Variants in RAP1GAP2 observed in about 807,000 individuals in gnomAD.
The protein encoded by RAP1GAP2 is RAP1 GTPase activating protein 2.
RAP1GAP2 carries 27 observed loss-of-function variants against 95.0 expected under a neutral mutation model. That is an observed-to-expected ratio of 0.28 (90% CI 0.21 to 0.39). RAP1GAP2 has a LOEUF of 0.39. RAP1GAP2 is among the 10% of genes least tolerant of loss of function. The probability of loss-of-function intolerance (pLI) is 1.00; values close to 1 mark genes in which losing one functional copy is unlikely to be tolerated. For missense variants in RAP1GAP2, 771 were observed against 970.0 expected (o/e 0.79, Z 2.72); for synonymous variants, 373 against 380.9 (o/e 0.98, Z 0.24).
At chr17:2,860,066 C>T (rs2072313745) in intron 2 of RAP1GAP2, among the ~76,000 whole-genome samples, 2 of 152,142 alleles carry the variant, frequency 1.3e-5, no homozygotes, top group South Asian at 4.1e-4. Context: ...CCTGCCATTG[C>T]AGGCAGCCCC....
chr17:2,768,419 T>C (rs958339754), intron 1 of RAP1GAP2, among the ~76,000 whole-genome samples: 1 of 152,090 alleles, frequency 6.6e-6, no homozygotes, highest in African/African-American at 2.4e-5. Context: ...AGGCTGGGCG[T>C]GGTGGCTCAC....
chr17:2,805,880 T>C (rs1458459202), intron 2 of RAP1GAP2, among the ~76,000 whole-genome samples: 1 of 152,126 alleles, frequency 6.6e-6, no homozygotes, highest in Non-Finnish European at 1.5e-5. Context: ...GGGTAGCCTG[T>C]CTCCACTGCT....
chr17:2,967,401 GACA>G (rs975672002), intron 8 of RAP1GAP2, among the ~76,000 whole-genome samples: 5 of 152,050 alleles, frequency 3.3e-5, no homozygotes, highest in Non-Finnish European at 5.9e-5. Context: ...CAACAACGAC[GACA>G]ACAACAAAAA....
chr17:3,001,661 G>A (rs2046165593), intron 14 of RAP1GAP2, among the ~76,000 whole-genome samples: 1 of 152,222 alleles, frequency 6.6e-6, no homozygotes, highest in Admixed American at 6.5e-5. Context: ...TCAGCCACTG[G>A]GCAGCTGAAC....
At position 2,906,535 on chromosome 17, in the gene RAP1GAP2, C is replaced by T. The variant is rs879372357; in HGVS notation, c.165+1167C>T. Among the ~76,000 whole-genome samples the T allele has an allele frequency of 1.3e-5, 2 of 152,052 alleles. No individual in the cohort carries two copies. The highest frequency in any genetic ancestry group is 2.9e-5 in the Non-Finnish European group (2 of 68,000). On this transcript the variant is annotated intron_variant, in intron 3 of 24. Transcript: ENST00000254695. The surrounding 1 kb of genome is among the most constrained non-coding windows in gnomAD (Gnocchi z 4.3). ...TGTGCTGTCTTCCTTGTGCAGTACC[C>T]AGAGGGCAGTGGAAGCCAGACCACC...
At chr17:2,762,631 C>T (rs1458286170) in intron 1 of RAP1GAP2, among the ~76,000 whole-genome samples, 1 of 150,654 alleles carries the variant, frequency 6.6e-6, no homozygotes, top group Non-Finnish European at 1.5e-5. Flanking sequence ...GAACTCCTTA[C>T]CTCAGATGAT....
At position 2,797,190 on chromosome 17, in the gene RAP1GAP2, A is replaced by T. The variant is rs2069117066; in HGVS notation, c.44+619A>T. ...GGTGGGTTGTGAGAGAAGGTCTCCCACCTGCACCCCAGGCAGCCCACCCTA... is the reference window on the plus strand; with the variant it reads ...GGTGGGTTGTGAGAGAAGGTCTCCCTCCTGCACCCCAGGCAGCCCACCCTA... On this transcript the variant is annotated intron_variant, in intron 1 of 24. Transcript: ENST00000254695. This position sits in a 1 kb window ranked among gnomAD's most constrained non-coding sequence, Gnocchi z 5.6. Among the ~76,000 whole-genome samples the T allele has an allele frequency of 2.0e-5, 3 of 151,972 alleles. No individual in the cohort carries two copies. The highest frequency in any genetic ancestry group is 2.0e-4 in the Admixed American group (3 of 15,262).
intron 17 of RAP1GAP2, among the ~76,000 whole-genome samples, chr17:3,013,627 CTTTTCT>C (rs1231648729): frequency 0.011 from 896 of 78,954 alleles, 3 homozygotes; most frequent in African/African-American, 0.038. Flanking sequence ...CTTTTCTTTT[CTTTTCT>C]TTTTTTTTTT....
intron 18 of RAP1GAP2, among the ~76,000 whole-genome samples, chr17:3,020,140 C>T (rs2046906249): frequency 6.6e-6 from 1 of 152,166 alleles, no homozygotes; most frequent in African/African-American, 2.4e-5. Context: ...CCCTCCAGGG[C>T]CTCCCTGGCT....
rs767093792 is a variant in RAP1GAP2 at position 3,027,087 on chromosome 17, G to A, written c.2107+17G>A. ...GTCCCACAGGTCAGTGGCATCTGGTGGTGTGTGTGACGTCACCAGGAGGGC... is the reference window on the plus strand; with the variant it reads ...GTCCCACAGGTCAGTGGCATCTGGTAGTGTGTGTGACGTCACCAGGAGGGC... On this transcript the variant is annotated intron_variant, in intron 22 of 24. Coordinates refer to ENST00000254695, the MANE Select transcript of RAP1GAP2 (RefSeq NM_015085.5). This position sits in a 1 kb window ranked among gnomAD's most constrained non-coding sequence, Gnocchi z 5.2. 3 of 1,566,704 alleles carry A rather than the reference G, an allele frequency of 1.9e-6. No homozygotes were observed. The highest frequency in any genetic ancestry group is 2.6e-6 in the Non-Finnish European group (3 of 1,155,416).
intron 11 of RAP1GAP2, among the ~76,000 whole-genome samples, chr17:2,987,473 G>C (rs1567860238): frequency 6.6e-6 from 1 of 151,886 alleles, no homozygotes; most frequent in African/African-American, 2.4e-5. Flanking sequence ...AAGCAATTCT[G>C]CCTCAGCTCC....
At chr17:2,859,831 T>C (rs2072300357) in intron 2 of RAP1GAP2, among the ~76,000 whole-genome samples, 1 of 152,202 alleles carries the variant, frequency 6.6e-6, no homozygotes, top group African/African-American at 2.4e-5. Context: ...GGATGGCATC[T>C]CCTGGTGTTA....
intron 10 of RAP1GAP2, among the ~76,000 whole-genome samples, chr17:2,982,631 T>C (rs1007619077): frequency 3.3e-5 from 5 of 152,152 alleles, no homozygotes; most frequent in Non-Finnish European, 5.9e-5. Flanking sequence ...TTTTCTCTCA[T>C]TGAGACTGAC....
chr17:2,913,392 G>A (rs73294607), intron 3 of RAP1GAP2, among the ~76,000 whole-genome samples: 12,900 of 152,048 alleles, frequency 0.085, 1,172 homozygotes, highest in East Asian at 0.3. Flanking sequence ...GGGTTCAAGC[G>A]ATTCTCCTCC....
intron 4 of RAP1GAP2, among the ~76,000 whole-genome samples, chr17:2,959,101 T>C (rs780921810): frequency 6.6e-6 from 1 of 152,108 alleles, no homozygotes; most frequent in Non-Finnish European, 1.5e-5. Context: ...GTCAGTGGGA[T>C]CCTGGCACTC....
At chr17:2,815,344 C>A (rs1336951136) in intron 2 of RAP1GAP2, among the ~76,000 whole-genome samples, 1 of 152,096 alleles carries the variant, frequency 6.6e-6, no homozygotes, top group African/African-American at 2.4e-5. Flanking sequence ...AATAACAGTA[C>A]CTGCACGTGG....
At position 3,003,791 on chromosome 17, in the gene RAP1GAP2, A is replaced by G. The variant is rs914899267; in HGVS notation, c.1201-1578A>G. Among the ~76,000 whole-genome samples, 1 of 152,152 alleles carries G rather than the reference A, an allele frequency of 6.6e-6. No individual in the cohort carries two copies. The highest frequency in any genetic ancestry group is 1.5e-5 in the Non-Finnish European group (1 of 68,018). ...ACCCAGATGTCCCCAAGAGGGGGGAACAACAAAGGCCTGGCCGCCTGGTTG... is the reference window on the plus strand; with the variant it reads ...ACCCAGATGTCCCCAAGAGGGGGGAGCAACAAAGGCCTGGCCGCCTGGTTG... On this transcript the variant is annotated intron_variant, in intron 14 of 24. Coordinates refer to ENST00000254695, the MANE Select transcript of RAP1GAP2 (RefSeq NM_015085.5). This position sits in a 1 kb window ranked among gnomAD's most constrained non-coding sequence, Gnocchi z 4.1.
chr17:2,874,357 G>C (rs1217685840), intron 2 of RAP1GAP2, among the ~76,000 whole-genome samples: 2 of 152,118 alleles, frequency 1.3e-5, no homozygotes, highest in Admixed American at 6.6e-5. Context: ...AAAATTCATA[G>C]CTCTTATCTA....
At chr17:2,964,130 A>T in intron 7 of RAP1GAP2, 62 bp downstream of exon 7, 1 of 1,376,800 alleles carries the variant, frequency 7.3e-7, no homozygotes, top group East Asian at 2.6e-5. Context: ...GCTGGGAGAG[A>T]GGAGGTACCA....
Sources: allele counts gnomAD v4.1 joint callset (sites outside exome capture counted in the v4.1 genomes callset), GRCh38; gene constraint gnomAD v4.1.1; non-coding constraint Gnocchi (gnomAD v3.1); transcripts MANE v1.5; gene names NCBI Gene and HGNC (gene_info 2026-07-23, HGNC 2026-07-21).